XNDC1N: variants seen among roughly 807,000 people sequenced by gnomAD.
XNDC1N encodes XRCC1 N-terminal domain containing 1, N-terminal like.
chr11:71,917,346 T>C, the XNDC1N span: 2 of 621,914 alleles, frequency 3.2e-6, no homozygotes, highest in Non-Finnish European at 5.8e-6. Context: ...GTGTGTGTGT[T>C]CTATATATTG....
chr11:71,875,392 A>G, the XNDC1N span, among the ~76,000 whole-genome samples: 1 of 152,212 alleles, frequency 6.6e-6, no homozygotes, highest in East Asian at 1.9e-4. Flanking sequence ...CCAATTTTAC[A>G]TGAAATAATA....
the XNDC1N span, among the ~76,000 whole-genome samples, chr11:71,923,999 T>G: frequency 6.6e-6 from 1 of 152,128 alleles, no homozygotes; most frequent in Admixed American, 6.6e-5. Context: ...AAGATGTTAA[T>G]GTTGGATTTA....
the XNDC1N span, chr11:71,916,124 C>T: frequency 1.4e-6 from 1 of 702,992 alleles, no homozygotes; most frequent in Admixed American, 2.0e-5. Context: ...ACAGAGTCAT[C>T]TAAGGAGTCC....
At chr11:71,912,726 G>A in the XNDC1N span, among the ~76,000 whole-genome samples, 1 of 152,184 alleles carries the variant, frequency 6.6e-6, no homozygotes, top group Non-Finnish European at 1.5e-5. Context: ...TTTCCCCCTG[G>A]ATATTAGGAA....
At chr11:71,877,652 A>G in the XNDC1N span, among the ~76,000 whole-genome samples, 1 of 152,218 alleles carries the variant, frequency 6.6e-6, no homozygotes, top group Admixed American at 6.5e-5. Flanking sequence ...TAAAAAATAA[A>G]TAAATAAATA....
the XNDC1N span, among the ~76,000 whole-genome samples, chr11:71,887,455 C>A: frequency 2.0e-5 from 3 of 152,124 alleles, no homozygotes; most frequent in East Asian, 5.8e-4. Flanking sequence ...ACTTGTGGTC[C>A]CCCGAGAGGA....
the XNDC1N span, among the ~76,000 whole-genome samples, chr11:71,906,158 G>A: frequency 1.3e-3 from 191 of 151,966 alleles, no homozygotes; most frequent in African/African-American, 1.8e-3. Flanking sequence ...CATCCCCCTG[G>A]AGGAGTAAGA....
At chr11:71,916,430 G>C in the XNDC1N span, among the ~76,000 whole-genome samples, 4 of 152,172 alleles carry the variant, frequency 2.6e-5, no homozygotes, top group East Asian at 7.7e-4. Context: ...GTAATGCCAA[G>C]CAGGCCAGTC....
At chr11:71,920,590 C>T in the XNDC1N span, among the ~76,000 whole-genome samples, 1 of 152,196 alleles carries the variant, frequency 6.6e-6, no homozygotes, top group Non-Finnish European at 1.5e-5. Context: ...CAGGCGTGAG[C>T]CACCGTGCCC....
the XNDC1N span, among the ~76,000 whole-genome samples, chr11:71,915,524 C>A: frequency 4.6e-5 from 7 of 151,784 alleles, no homozygotes; most frequent in African/African-American, 1.7e-4. Flanking sequence ...CACTGAAAAA[C>A]CAAAAAATGT....
At chr11:71,900,965 C>A in the XNDC1N span, among the ~76,000 whole-genome samples, 1 of 152,174 alleles carries the variant, frequency 6.6e-6, no homozygotes, top group South Asian at 2.1e-4. Context: ...CCAACCTGCC[C>A]TCTCAAATCC....
chr11:71,876,127 G>A, the XNDC1N span, among the ~76,000 whole-genome samples: 2 of 152,176 alleles, frequency 1.3e-5, no homozygotes. Context: ...GCTGAAGGCA[G>A]GAAAGGAAGG....
At chr11:71,912,602 G>A in the XNDC1N span, among the ~76,000 whole-genome samples, 2 of 152,074 alleles carry the variant, frequency 1.3e-5, no homozygotes, top group Admixed American at 6.6e-5. Flanking sequence ...ACACAAAAGG[G>A]TGAACAACCC....
chr11:71,918,841 T>C, the XNDC1N span: 1 of 699,832 alleles, frequency 1.4e-6, no homozygotes, highest in Non-Finnish European at 2.6e-6. Context: ...GGGACTGTCA[T>C]TCCTGTGTTC....
At chr11:71,866,368 G>C in the XNDC1N span, among the ~76,000 whole-genome samples, 1 of 152,058 alleles carries the variant, frequency 6.6e-6, no homozygotes, top group Non-Finnish European at 1.5e-5. Flanking sequence ...ATATCTTCTG[G>C]AGAAGGCCAT....
chr11:71,903,505 T>C, the XNDC1N span: 1 of 731,572 alleles, frequency 1.4e-6, no homozygotes, highest in Non-Finnish European at 2.5e-6. Context: ...CTCTTTGCCA[T>C]TTTTGGAGGC....
At chr11:71,905,418 AC>A in the XNDC1N span, among the ~76,000 whole-genome samples, 3 of 151,222 alleles carry the variant, frequency 2.0e-5, no homozygotes, top group South Asian at 2.1e-4. Context: ...TAAAAGTAAC[AC>A]CCCCCCTAGA....
chr11:71,913,895 C>A, the XNDC1N span, among the ~76,000 whole-genome samples: 10 of 152,150 alleles, frequency 6.6e-5, no homozygotes, highest in Non-Finnish European at 1.2e-4. Context: ...ATAAATGGAA[C>A]AGCAAAGCCT....
At chr11:71,903,077 A>T in the XNDC1N span, 1 of 538,276 alleles carries the variant, frequency 1.9e-6, no homozygotes, top group African/African-American at 1.9e-5. Context: ...ATCTGAAAAC[A>T]TTACTTGTGA....
Sources: gnomAD v4.1 joint callset for allele counts (sites outside exome capture counted in the v4.1 genomes callset) on GRCh38, gnomAD v4.1.1 for gene constraint, MANE v1.5 for transcripts, NCBI Gene and HGNC (gene_info 2026-07-23, HGNC 2026-07-21) for gene names.